KIF5B: variants seen among roughly 807,000 people sequenced by gnomAD.
KIF5B encodes kinesin-1 heavy chain.
Under a neutral mutation model 132.8 loss-of-function variants are expected in KIF5B, and 49 were observed. That is an observed-to-expected ratio of 0.37 (90% confidence interval 0.29 to 0.47). The LOEUF (loss-of-function observed/expected upper bound fraction) is 0.47, where lower values mean the gene tolerates loss of function less well. Among genes scored for constraint, KIF5B ranks in the 20% least tolerant of loss-of-function variants. The pLI is 1.00. For synonymous variants in KIF5B, 355 were observed against 369.4 expected, an observed-to-expected ratio of 0.96 and a Z score of 0.45; for missense variants, 780 against 1,144.0, an observed-to-expected ratio of 0.68 and a Z score of 4.59.
In KIF5B at chr10:32,011,062, T is replaced by C. The variant is rs920458732; in HGVS notation, c.*475A>G. 2 of 152,082 alleles carry C rather than the reference T, an allele frequency of 1.3e-5. No homozygotes were observed. The highest frequency in any genetic ancestry group is 2.9e-5 in the Non-Finnish European group (2 of 67,998). 9.4% of individuals were successfully genotyped at this position (152,082 alleles called of 1,614,324 possible). On this transcript the variant is annotated 3_prime_UTR_variant, in exon 26 of 26. Coordinates refer to ENST00000302418, the MANE Select transcript of KIF5B (RefSeq NM_004521.3). ...TGTTAAGTGGTAAAATTTAAAGACA[T>C]TTAACCTAAATGTTCCATTTTCTCT...
chr10:32,025,144 C>T (rs951041598), intron 15 of KIF5B, among the ~76,000 whole-genome samples: 4 of 152,124 alleles, frequency 2.6e-5, no homozygotes, highest in African/African-American at 9.7e-5. Flanking sequence ...TAAAATAACA[C>T]CATACATTAG....
intron 19 of KIF5B, 118 bp from the exon 20 acceptor site, chr10:32,020,077 A>G (rs1775715): frequency 0.52 from 345,582 of 670,524 alleles, 90,036 homozygotes; most frequent in East Asian, 0.64. Context: ...CTGTTATCCT[A>G]TACCCTATGG....
chr10:32,035,111 T>C (rs992212959), intron 10 of KIF5B, among the ~76,000 whole-genome samples: 1 of 152,164 alleles, frequency 6.6e-6, no homozygotes. Context: ...TTTGCAAGGC[T>C]GAATTAAGAA....
chr10:32,017,646 G>C (rs1841194177), intron 23 of KIF5B, among the ~76,000 whole-genome samples: 1 of 152,098 alleles, frequency 6.6e-6, no homozygotes, highest in Non-Finnish European at 1.5e-5. Context: ...TGTTTCTTCA[G>C]TAAGACAACT....
At chr10:32,042,983 G>T (rs933750218) in intron 2 of KIF5B, among the ~76,000 whole-genome samples, 1 of 151,888 alleles carries the variant, frequency 6.6e-6, no homozygotes, top group African/African-American at 2.4e-5. Context: ...CCCCGTGCAC[G>T]GTACTATTAG....
rs1372753490 is a variant in KIF5B, at chr10:32,028,414, GTTA to G, written c.1725+11_1725+13del. ...TACAGATAATTGTCCTTAATACTTA[GTTA>G]TTATATTTACCTTTACATCATTATT... On this transcript the variant is annotated intron_variant, in intron 15 of 25. Transcript: ENST00000302418. 5.0e-6 allele frequency: 8 copies of G among 1,596,736 alleles called. 1 individual carries two copies. The highest frequency in any genetic ancestry group is 1.1e-5 in the South Asian group (1 of 90,150).
In KIF5B at chr10:32,038,227, G is replaced by A. The variant is rs747441489; in HGVS notation, c.443-9C>T. 1 of 1,596,310 alleles carries A rather than the reference G, an allele frequency of 6.3e-7. No individual in the cohort carries two copies. Among genetic ancestry groups the A allele is most frequent in the Non-Finnish European group, 8.6e-7 (1 of 1,165,538 alleles). ...AAGGTTGGTCTTTGAAACTGAGAAA[G>A]AAAAACAAATGTTAGCAACATTCTC... On this transcript the variant is annotated splice_polypyrimidine_tract_variant and intron_variant, in intron 5 of 25. Transcript: ENST00000302418.
At chr10:32,045,361 T>G (rs139870640) in intron 2 of KIF5B, among the ~76,000 whole-genome samples, 115 of 152,292 alleles carry the variant, frequency 7.6e-4, no homozygotes, top group African/African-American at 2.7e-3. Flanking sequence ...CCAGAAAATA[T>G]TAACTGATGA....
Position 32,028,536 on chromosome 10 carries a change from T to C in KIF5B, c.1617A>G (p.Lys539=). 1 of 1,614,028 alleles carries C rather than the reference T, an allele frequency of 6.2e-7. No individual in the cohort carries two copies. Among genetic ancestry groups the C allele is most frequent in the South Asian group, 1.1e-5 (1 of 91,066 alleles). The stretch of plus-strand genomic sequence containing the variant: ...TCTGGTGGTTGGTCATTTCCTTAAG[T>C]TTCTGAAGCTCAGCATCTATACTCG... The part of the protein sequence containing the change: ...TLASIDAELQ[K]LKEMTNHQKK... Residue 539 remains lysine (K), a synonymous_variant, in exon 15 of 26, where the codon AAA becomes AAG. Coordinates refer to ENST00000302418, the MANE Select transcript of KIF5B (RefSeq NM_004521.3).
At chr10:32,054,759 T>G (rs1841731936) in intron 1 of KIF5B, among the ~76,000 whole-genome samples, 1 of 152,214 alleles carries the variant, frequency 6.6e-6, no homozygotes, top group African/African-American at 2.4e-5. Flanking sequence ...TGCCATACTT[T>G]ACAATTAATT....
intron 2 of KIF5B, among the ~76,000 whole-genome samples, chr10:32,042,683 C>T (rs899924839): frequency 5.9e-5 from 9 of 152,174 alleles, no homozygotes; most frequent in Non-Finnish European, 1.3e-4. Flanking sequence ...TTTAAATATA[C>T]TTTTGCCATT....
intron 15 of KIF5B, among the ~76,000 whole-genome samples, chr10:32,026,456 A>AAAAAAAAAAAAAAAAAT: frequency 6.7e-6 from 1 of 150,120 alleles, no homozygotes; most frequent in Non-Finnish European, 1.5e-5. Flanking sequence ...AAAAAAAAAA[A>AAAAAAAAAAAAAAAAAT]AAAAAGTAAC....
chr10:32,017,121 G>A (rs1382875869), intron 24 of KIF5B, 22 bp downstream of exon 24: 4 of 1,583,540 alleles, frequency 2.5e-6, no homozygotes, highest in Non-Finnish European at 3.5e-6. Flanking sequence ...AAGGTTTAAA[G>A]GTTTTAATGT....
intron 15 of KIF5B, among the ~76,000 whole-genome samples, chr10:32,028,226 G>A (rs528822304): frequency 1.3e-4 from 20 of 152,200 alleles, no homozygotes; most frequent in South Asian, 2.1e-4. Flanking sequence ...AATAAATGCC[G>A]CCTACTGAAT....
Position 32,035,926 on chromosome 10 carries a change from A to G in KIF5B, c.780T>C (p.Ala260=), listed in dbSNP as rs1160920124. The G allele has an allele frequency of 6.2e-7, 1 of 1,613,192 alleles. No individual in the cohort carries two copies. The highest frequency in any genetic ancestry group is 2.2e-5 in the East Asian group (1 of 44,820). The change falls in exon 9 of 26, where the codon GCT becomes GCC. Residue 260 remains alanine (A), a synonymous_variant. Transcript: ENST00000302418. ...CCAAAGCAGAAATAACATTTCCAAG[A>G]GCAGAAAGTGACTTGTTGATGTTTT... ...EAKNINKSLS[A]LGNVISALAE...
intron 14 of KIF5B, among the ~76,000 whole-genome samples, chr10:32,030,741 T>C (rs566857213): frequency 3.4e-4 from 52 of 152,342 alleles, no homozygotes; most frequent in African/African-American, 1.2e-3. Context: ...ATTGGGCAAC[T>C]AGCAGCTTTA....
chr10:32,024,510 T>A (rs567343404), intron 15 of KIF5B, among the ~76,000 whole-genome samples: 3 of 150,582 alleles, frequency 2.0e-5, no homozygotes, highest in Non-Finnish European at 4.4e-5. Context: ...ACGCCTGTAA[T>A]CCCAGCAATT....
chr10:32,022,266 A>T lies in KIF5B; in HGVS notation c.1915-9T>A. On this transcript the variant is annotated splice_polypyrimidine_tract_variant and intron_variant, in intron 16 of 25. Transcript: ENST00000302418. The stretch of plus-strand genomic sequence containing the variant: ...TTGATTTTGGCTTCATGCTTTTGGA[A>T]AAAATATACTGATATGAAGTGGAAA... 7.2e-7 allele frequency: 1 copy of T among 1,385,614 alleles called. No homozygotes were observed. The highest frequency in any genetic ancestry group is 2.3e-5 in the East Asian group (1 of 43,794). 85.8% of individuals were successfully genotyped at this position (1,385,614 alleles called of 1,614,324 possible).
At chr10:32,055,215 C>A (rs993726262) in intron 1 of KIF5B, among the ~76,000 whole-genome samples, 2 of 151,588 alleles carry the variant, frequency 1.3e-5, no homozygotes, top group Non-Finnish European at 2.9e-5. Flanking sequence ...TTTCTTTCTA[C>A]AATCATCGAT....
Sources: allele counts gnomAD v4.1 joint callset (sites outside exome capture counted in the v4.1 genomes callset), GRCh38; gene constraint gnomAD v4.1.1; transcripts MANE v1.5; gene names NCBI Gene and HGNC (gene_info 2026-07-23, HGNC 2026-07-21).